NTRK3: variants seen among roughly 807,000 people sequenced by gnomAD.
NTRK3 encodes the protein NT-3 growth factor receptor.
In NTRK3, 24 loss-of-function variants were observed where a neutral mutation model predicts 91.7. That is an observed-to-expected ratio of 0.26 (90% CI 0.19 to 0.37). The LOEUF (loss-of-function observed/expected upper bound fraction) is 0.37, where lower values mean the gene tolerates loss of function less well. Ranked by LOEUF, NTRK3 falls within the 10% of genes least tolerant of loss-of-function variation. The probability of loss-of-function intolerance (pLI) is 1.00; values close to 1 mark genes in which losing one functional copy is unlikely to be tolerated. For missense variants in NTRK3, 880 were observed against 1,068.9 expected (o/e 0.82, Z 2.46); for synonymous variants, 483 against 404.0 (o/e 1.20, Z -2.34).
At chr15:88,093,709 G>A (rs2049267137) in intron 13 of NTRK3, among the ~76,000 whole-genome samples, 1 of 152,146 alleles carries the variant, frequency 6.6e-6, no homozygotes, top group East Asian at 1.9e-4. Context: ...TCTGCCATGA[G>A]CACTATGGAC....
At chr15:88,244,301 C>T (rs1349502335) in intron 3 of NTRK3, among the ~76,000 whole-genome samples, 1 of 152,168 alleles carries the variant, frequency 6.6e-6, no homozygotes, top group Non-Finnish European at 1.5e-5. Context: ...TATTTTAATC[C>T]TCACAACACC....
At chr15:88,254,606 C>T (rs1398026215) in intron 3 of NTRK3, among the ~76,000 whole-genome samples, 1 of 152,194 alleles carries the variant, frequency 6.6e-6, no homozygotes, top group Non-Finnish European at 1.5e-5. Context: ...TGCAATTCCT[C>T]CAGGCTTTGC....
At chr15:88,158,428 G>T (rs1206013540) in intron 5 of NTRK3, among the ~76,000 whole-genome samples, 1 of 152,190 alleles carries the variant, frequency 6.6e-6, no homozygotes, top group Admixed American at 6.5e-5. Flanking sequence ...GTGCTGGTGT[G>T]CTGCCTCCTG....
chr15:88,160,341 G>A (rs983520374), intron 5 of NTRK3, among the ~76,000 whole-genome samples: 3 of 152,178 alleles, frequency 2.0e-5, no homozygotes, highest in Non-Finnish European at 4.4e-5. Flanking sequence ...GCCTGAGGAT[G>A]GGGAGCCCTT....
intron 13 of NTRK3, among the ~76,000 whole-genome samples, chr15:88,049,613 G>C (rs2080606078): frequency 6.6e-6 from 1 of 152,168 alleles, no homozygotes; most frequent in East Asian, 1.9e-4. Context: ...CCCTGGCCAA[G>C]AGGCTGTTGT....
At chr15:88,205,907 G>A (rs1430819317) in intron 3 of NTRK3, 1 of 152,332 alleles carries the variant, frequency 6.6e-6, no homozygotes, top group African/African-American at 2.4e-5. Context: ...GACCTGGAGT[G>A]TGCCTTATGA....
At chr15:88,042,052 C>T (rs1022589327) in intron 13 of NTRK3, among the ~76,000 whole-genome samples, 4 of 151,988 alleles carry the variant, frequency 2.6e-5, no homozygotes, top group Admixed American at 1.3e-4. Context: ...AACAAGCCAA[C>T]CTTTGGATTA....
At chr15:88,135,923 C>G in exon 9 of NTRK3, 1 of 1,614,218 alleles carries the variant, frequency 6.2e-7, no homozygotes, top group Non-Finnish European at 8.5e-7. Flanking sequence ...GCAACACTGG[C>G]ATTGCTCATG....
chr15:88,196,100 G>A (rs1373221688), intron 3 of NTRK3, among the ~76,000 whole-genome samples: 10 of 152,172 alleles, frequency 6.6e-5, no homozygotes, highest in Non-Finnish European at 5.9e-5. Flanking sequence ...CAATATTTTC[G>A]CCCATTAAAA....
At chr15:87,877,733 C>T (rs552903630) in intron 18 of NTRK3, among the ~76,000 whole-genome samples, 112 of 152,222 alleles carry the variant, frequency 7.4e-4, no homozygotes, top group African/African-American at 2.5e-3. Context: ...TCTTAAAGTC[C>T]TTAACAATAG....
rs1362110608 is a variant in NTRK3 at position 88,185,473 on chromosome 15, T to G, written c.249-1174A>C. The stretch of plus-strand genomic sequence containing the variant: ...AGGTTGAGAACCATTACACTATTAA[T>G]TATCAAAGCCCTTTGCAGCTCTAAA... On this transcript the variant is annotated intron_variant, in intron 3 of 18. Coordinates refer to ENST00000394480, the Ensembl canonical transcript of NTRK3. 3.3e-5 allele frequency among the ~76,000 whole-genome samples: 5 copies of G among 152,162 alleles called. No individual in the cohort carries two copies. In the East Asian group the frequency reaches 9.6e-4, roughly 29 times the overall value.
chr15:87,884,427 G>T (rs931388076), intron 17 of NTRK3, among the ~76,000 whole-genome samples: 3 of 151,438 alleles, frequency 2.0e-5, no homozygotes, highest in African/African-American at 7.3e-5. Context: ...CTTTTTCAAA[G>T]CAAAAAAAGA....
chr15:88,013,018 G>A (rs1195618596), intron 14 of NTRK3, among the ~76,000 whole-genome samples: 2 of 151,444 alleles, frequency 1.3e-5, no homozygotes, highest in African/African-American at 4.9e-5. Context: ...CTGAAACCGT[G>A]CACTGGTAAA....
intron 13 of NTRK3, among the ~76,000 whole-genome samples, chr15:88,037,169 G>C (rs540212894): frequency 6.6e-6 from 1 of 152,308 alleles, no homozygotes; most frequent in African/African-American, 2.4e-5. Context: ...AGAGCCCTGG[G>C]GACCCCAATA....
At chr15:88,140,401 G>T (rs563437925) in intron 6 of NTRK3, among the ~76,000 whole-genome samples, 1 of 152,202 alleles carries the variant, frequency 6.6e-6, no homozygotes, top group Admixed American at 6.5e-5. Flanking sequence ...ACCCTGGCAC[G>T]TGGCTACATG....
chr15:88,075,900 A>G (rs577842165), intron 13 of NTRK3, among the ~76,000 whole-genome samples: 1 of 152,276 alleles, frequency 6.6e-6, no homozygotes, highest in East Asian at 1.9e-4. Context: ...CGAAATAAGG[A>G]TAGTCATACG....
chr15:88,173,768 G>C (rs1401309321), intron 5 of NTRK3, among the ~76,000 whole-genome samples: 1 of 152,204 alleles, frequency 6.6e-6, no homozygotes, highest in African/African-American at 2.4e-5. Context: ...AACAGCCAAG[G>C]CTGACCAGAG....
chr15:87,983,708 T>C (rs2074488910), intron 14 of NTRK3, among the ~76,000 whole-genome samples: 1 of 152,192 alleles, frequency 6.6e-6, no homozygotes, highest in Non-Finnish European at 1.5e-5. Flanking sequence ...CTAACCACTT[T>C]GCAATACGGA....
Position 87,940,488 on chromosome 15 carries a change from T to G in NTRK3, c.1716+135A>C. ...TGGTCCCTAGGAAACTTCATTGACC[T>G]CGGAGCAAAGTCCTTTGATTGCATC... On this transcript the variant is annotated intron_variant, in intron 15 of 18. Coordinates refer to ENST00000394480, the Ensembl canonical transcript of NTRK3. 3.5e-6 allele frequency: 5 copies of G among 1,427,172 alleles called. No homozygotes were observed. In the South Asian group the frequency reaches 5.9e-5, roughly 17 times the overall value. The allele number at this position is 1,427,172 out of a possible 1,614,324, so 88.4% of individuals were successfully genotyped here. A position where few individuals can be genotyped will look rare whatever the true frequency, so the allele number is the denominator to read the frequency against.
Sources: gnomAD v4.1 joint callset for allele counts (sites outside exome capture counted in the v4.1 genomes callset) on GRCh38, gnomAD v4.1.1 for gene constraint, MANE v1.5 for transcripts, NCBI Gene and HGNC (gene_info 2026-07-23, HGNC 2026-07-21) for gene names.